SRPK2: variants seen among roughly 807,000 people sequenced by gnomAD.
The protein encoded by SRPK2 is SRSF protein kinase 2.
SRPK2 carries 21 observed loss-of-function variants against 90.8 expected under a neutral mutation model. That is an observed-to-expected ratio of 0.23 (90% CI 0.16 to 0.33). SRPK2 has a LOEUF of 0.33. Among genes scored for constraint, SRPK2 ranks in the 10% least tolerant of loss-of-function variants. SRPK2 has a pLI of 1.00. For missense variants in SRPK2, 620 were observed against 869.0 expected (o/e 0.71, Z 3.60); for synonymous variants, 288 against 311.1 (o/e 0.93, Z 0.78).
intron 2 of SRPK2, among the ~76,000 whole-genome samples, chr7:105,325,226 T>G (rs1018510562): frequency 6.6e-6 from 1 of 152,294 alleles, no homozygotes; most frequent in Middle Eastern, 3.4e-3. Context: ...TTGAAACTAG[T>G]GGCTATGCTT....
intron 2 of SRPK2, among the ~76,000 whole-genome samples, chr7:105,331,328 A>C (rs1293105716): frequency 1.4e-5 from 2 of 145,870 alleles, no homozygotes; most frequent in East Asian, 2.2e-4. Flanking sequence ...AAAAAAAAAA[A>C]AAAAAAAAAC....
chr7:105,190,498 TG>T (rs932081345), intron 3 of SRPK2, among the ~76,000 whole-genome samples: 42 of 152,172 alleles, frequency 2.8e-4, no homozygotes, highest in Admixed American at 1.4e-3. Context: ...TTTTTTTGTT[TG>T]TTTTTTTAAA....
chr7:105,325,551 CAAAAAAAA>C (rs34722293), intron 2 of SRPK2, among the ~76,000 whole-genome samples: 5 of 71,518 alleles, frequency 7.0e-5, no homozygotes, highest in African/African-American at 1.7e-4. Flanking sequence ...TTTCTCAAGG[CAAAAAAAA>C]AAAAAAAAAA....
chr7:105,279,300 A>G (rs1035472509), intron 2 of SRPK2, among the ~76,000 whole-genome samples: 1 of 108,962 alleles, frequency 9.2e-6, no homozygotes, highest in Non-Finnish European at 2.2e-5. Context: ...TGATTTAGAT[A>G]GCTGCTGCTA....
At chr7:105,392,091 C>T (rs1469272926), upstream of SRPK2, among the ~76,000 whole-genome samples, 2 of 152,106 alleles carry the variant, frequency 1.3e-5, no homozygotes, top group African/African-American at 4.8e-5. Flanking sequence ...TAAATAAAAG[C>T]AGCCAGACAC....
chr7:105,142,196 C>T lies in SRPK2; in HGVS notation c.1355G>A (p.Gly452Glu), dbSNP rs1176971899. 1 of 1,614,052 alleles carries T rather than the reference C, an allele frequency of 6.2e-7. No individual in the cohort carries two copies. Among genetic ancestry groups the T allele is most frequent in the East Asian group, 2.2e-5 (1 of 44,880 alleles). Residue 452 changes from glycine to glutamate, a missense_variant, in exon 11 of 16, where the codon GGA becomes GAA. Around this residue, in one of 8 missense-constraint regions of SRPK2, gnomAD observed 243 missense variants for 245.7 expected, o/e 0.99. Coordinates refer to ENST00000393651, the MANE Select transcript of SRPK2 (RefSeq NM_182692.3). ...YEQFNGELPN[G>E]RHKIPESQFP... Reference sequence around the variant, plus strand: ...CTGTGACTCGGGAATTTTATGTCGTCCATTTGGCAATTCACCATTGAATTG... The same window carrying T: ...CTGTGACTCGGGAATTTTATGTCGTTCATTTGGCAATTCACCATTGAATTG...
In SRPK2 at chr7:105,277,443, G is replaced by A. The variant is rs546263543; in HGVS notation, c.72-73658C>T. ...GCCCGCAAAGGCTTTTCTGGCTCAGGTGCCAATTTCTAATACTGCTATCTG... is the reference window on the plus strand; with the variant it reads ...GCCCGCAAAGGCTTTTCTGGCTCAGATGCCAATTTCTAATACTGCTATCTG... On this transcript the variant is annotated intron_variant, in intron 2 of 15. Transcript: ENST00000393651. 5.3e-5 allele frequency among the ~76,000 whole-genome samples: 8 copies of A among 152,302 alleles called. No individual in the cohort carries two copies. In the South Asian group the frequency reaches 1.2e-3, roughly 24 times the overall value.
rs117433862 is a variant in SRPK2 at position 105,236,135 on chromosome 7, T to C, written c.72-32350A>G. On this transcript the variant is annotated intron_variant, in intron 2 of 15. Coordinates refer to ENST00000393651, the MANE Select transcript of SRPK2 (RefSeq NM_182692.3). ...AGGAATGGGGTAGGGTCTGAGAAGG[T>C]GCCTTCCTAACAAGTACTCAGGTGC... Among the ~76,000 whole-genome samples the C allele has an allele frequency of 2.8e-3, 429 of 152,288 alleles. 11 individuals carry two copies. The East Asian group carries it at 0.055, about 20-fold the overall frequency.
intron 3 of SRPK2, among the ~76,000 whole-genome samples, chr7:105,178,697 G>A (rs189306639): frequency 1.3e-5 from 2 of 152,082 alleles, no homozygotes; most frequent in Admixed American, 6.6e-5. Context: ...TGGCGCATGC[G>A]TATGATCCCA....
chr7:105,145,504 G>A (rs1239371612), intron 8 of SRPK2, among the ~76,000 whole-genome samples, 196 bp from the exon 9 acceptor site: 1 of 152,092 alleles, frequency 6.6e-6, no homozygotes, highest in Non-Finnish European at 1.5e-5. Context: ...GACTCCTGAA[G>A]TCACAGCAGA....
At chr7:105,292,182 C>G (rs1809120928) in intron 2 of SRPK2, among the ~76,000 whole-genome samples, 1 of 152,074 alleles carries the variant, frequency 6.6e-6, no homozygotes, top group African/African-American at 2.4e-5. Context: ...TTATTTAAGC[C>G]ATCCTAAATT....
intron 2 of SRPK2, among the ~76,000 whole-genome samples, chr7:105,340,399 C>CTTT (rs781142110): frequency 7.0e-5 from 9 of 128,314 alleles, no homozygotes; most frequent in Non-Finnish European, 1.0e-4. Flanking sequence ...CTTTTCTCTC[C>CTTT]TTTTTTTTTT....
At chr7:105,170,640 G>A (rs2129587758) in intron 3 of SRPK2, among the ~76,000 whole-genome samples, 1 of 151,136 alleles carries the variant, frequency 6.6e-6, no homozygotes, top group Middle Eastern at 3.4e-3. Context: ...GTTACAGTGA[G>A]CCAAGATCAA....
At chr7:105,397,719 C>G (rs1345995050) in intron 1 of SRPK2, among the ~76,000 whole-genome samples, 1 of 152,102 alleles carries the variant, frequency 6.6e-6, no homozygotes, top group Admixed American at 6.6e-5. Context: ...TCTGAGCTCA[C>G]TACAACCTCC....
chr7:105,123,466 G>C (rs1012760383), intron 15 of SRPK2, among the ~76,000 whole-genome samples: 1 of 152,092 alleles, frequency 6.6e-6, no homozygotes, highest in Non-Finnish European at 1.5e-5. Flanking sequence ...AAGTGATACG[G>C]CATATCAACA....
intron 2 of SRPK2, among the ~76,000 whole-genome samples, chr7:105,266,818 G>A (rs1805148775): frequency 1.3e-5 from 2 of 152,042 alleles, no homozygotes; most frequent in African/African-American, 4.8e-5. Flanking sequence ...TATTTTTCAA[G>A]TTCCTCCAAA....
intron 3 of SRPK2, among the ~76,000 whole-genome samples, chr7:105,190,710 G>C (rs942146259): frequency 1.3e-5 from 2 of 152,114 alleles, no homozygotes; most frequent in African/African-American, 4.8e-5. Flanking sequence ...TATGCCCTTG[G>C]AAGGCTCCAA....
At chr7:105,138,407 C>A (rs1005792032) in intron 11 of SRPK2, among the ~76,000 whole-genome samples, 1 of 152,134 alleles carries the variant, frequency 6.6e-6, no homozygotes, top group Non-Finnish European at 1.5e-5. Context: ...AGCCCTCACC[C>A]AGGAGGCAGG....
At chr7:105,385,139 T>A (rs1441595984) in intron 2 of SRPK2, among the ~76,000 whole-genome samples, 1 of 143,126 alleles carries the variant, frequency 7.0e-6, no homozygotes, top group African/African-American at 2.6e-5. Flanking sequence ...CCCAAAGTGC[T>A]GGGATTACAG....
Sources: gnomAD v4.1 joint callset for allele counts (sites outside exome capture counted in the v4.1 genomes callset) on GRCh38, gnomAD v4.1.1 for gene constraint, gnomAD v4.1.1 regional missense constraint, MANE v1.5 for transcripts, NCBI Gene and HGNC (gene_info 2026-07-23, HGNC 2026-07-21) for gene names.